CSMD2: variants seen among roughly 807,000 people sequenced by gnomAD.
The protein encoded by CSMD2 is CUB and Sushi multiple domains 2, also known as CUB and sushi domain-containing protein 2.
Under a neutral mutation model 398.5 loss-of-function variants are expected in CSMD2, and 130 were observed. The ratio of observed to expected loss-of-function variants is 0.33; its 90% CI spans 0.28 to 0.38. The LOEUF is 0.38. CSMD2 is among the 10% of genes least tolerant of loss of function. The probability of loss-of-function intolerance (pLI) is 1.00; values close to 1 mark genes in which losing one functional copy is unlikely to be tolerated. For synonymous variants in CSMD2, 1,828 were observed against 1,908.5 expected (o/e 0.96, Z 1.10); for missense variants, 3,829 against 4,764.9 (o/e 0.80, Z 5.78).
chr1:33,868,501 G>A (rs948846517), intron 5 of CSMD2, among the ~76,000 whole-genome samples: 7 of 152,124 alleles, frequency 4.6e-5, no homozygotes, highest in African/African-American at 1.7e-4. Flanking sequence ...ACTTTGGGAG[G>A]CCGAGGTGGG....
intron 14 of CSMD2, among the ~76,000 whole-genome samples, chr1:33,741,590 G>A (rs1647069976): frequency 6.6e-6 from 1 of 152,206 alleles, no homozygotes; most frequent in African/African-American, 2.4e-5. Flanking sequence ...TTGTTGGCAA[G>A]AATCATTTCT....
In CSMD2 at chr1:33,559,517, C is replaced by G; in HGVS notation, c.8381-44G>C. 1 of 1,514,370 alleles carries G rather than the reference C, an allele frequency of 6.6e-7. No homozygotes were observed. Among genetic ancestry groups the G allele is most frequent in the Non-Finnish European group, 8.9e-7 (1 of 1,128,480 alleles). 93.8% of individuals were successfully genotyped at this position (1,514,370 alleles called of 1,614,324 possible). A position where few individuals can be genotyped will look rare whatever the true frequency, so the allele number is the denominator to read the frequency against. The stretch of plus-strand genomic sequence containing the variant: ...ATAGGTAAGCCCTCCTACTATTCCA[C>G]ACCCCTCAGAATTTATCCACCTCTC... On this transcript the variant is annotated intron_variant, in intron 53 of 70. Transcript: ENST00000373381. This position sits in a 1 kb window ranked among gnomAD's most constrained non-coding sequence, Gnocchi z 4.0.
intron 5 of CSMD2, chr1:33,884,499 G>A (rs1258465035): frequency 1.3e-5 from 2 of 152,184 alleles, no homozygotes; most frequent in Admixed American, 6.6e-5. Flanking sequence ...CTAACCAAAT[G>A]ATGCTGTTTT....
chr1:33,810,718 C>T lies in CSMD2; in HGVS notation c.1446+25G>A, dbSNP rs373368690. 24 of 1,610,714 alleles carry T rather than the reference C, an allele frequency of 1.5e-5. No individual in the cohort carries two copies. In the African/African-American group the frequency reaches 2.9e-4, roughly 20 times the overall value. ...CCAACCTAGCCCTGCCCACAGAACA[C>T]CACCCCGCTCCCCAAGAGGCTTACC... On this transcript the variant is annotated intron_variant, in intron 10 of 70. Transcript: ENST00000373381.
At chr1:33,556,016 C>G (rs1030162037) in intron 55 of CSMD2, among the ~76,000 whole-genome samples, 1 of 152,000 alleles carries the variant, frequency 6.6e-6, no homozygotes, top group African/African-American at 2.4e-5. Flanking sequence ...ATTGGAGGAT[C>G]TCACTCCTCC....
chr1:33,626,208 G>A (rs1009433749), intron 33 of CSMD2, among the ~76,000 whole-genome samples: 1 of 152,236 alleles, frequency 6.6e-6, no homozygotes, highest in African/African-American at 2.4e-5. Flanking sequence ...TCTGGACCAT[G>A]CCAGACAATG....
At chr1:33,554,824 C>T (rs1265255185) in intron 55 of CSMD2, among the ~76,000 whole-genome samples, 1 of 152,132 alleles carries the variant, frequency 6.6e-6, no homozygotes, top group Non-Finnish European at 1.5e-5. Context: ...TGCTCATTGA[C>T]AATGCACCTG....
chr1:33,807,988 G>C (rs1656419015), intron 10 of CSMD2, among the ~76,000 whole-genome samples: 1 of 152,070 alleles, frequency 6.6e-6, no homozygotes, highest in Admixed American at 6.5e-5. Context: ...GAGGGAAAAA[G>C]CCTTTAAGGT....
chr1:34,049,269 T>A (rs1652901762), intron 2 of CSMD2, among the ~76,000 whole-genome samples: 1 of 151,936 alleles, frequency 6.6e-6, no homozygotes, highest in African/African-American at 2.4e-5. Flanking sequence ...AGTAAGAGAG[T>A]TTGGTCACTG....
intron 29 of CSMD2, among the ~76,000 whole-genome samples, chr1:33,644,534 A>G (rs1643305520): frequency 6.6e-6 from 1 of 152,158 alleles, no homozygotes; most frequent in African/African-American, 2.4e-5. Flanking sequence ...TAGTGACTCT[A>G]AGTATCACGT....
chr1:33,977,779 C>G (rs1408496698), intron 3 of CSMD2, among the ~76,000 whole-genome samples: 1 of 152,156 alleles, frequency 6.6e-6, no homozygotes, highest in East Asian at 1.9e-4. Context: ...GGACTGGAAG[C>G]CTCAACTCAG....
chr1:33,559,306 A>C lies in CSMD2; in HGVS notation c.8548T>G (p.Cys2850Gly). 6.5e-7 allele frequency: 1 copy of C among 1,535,074 alleles called. No homozygotes were observed. The highest frequency in any genetic ancestry group is 1.2e-5 in the South Asian group (1 of 84,022). ...GAGAGAAAGGGTGACTCACTTCTGC[A>C]GGTGGGCAGCATGTCACTCCATTGC... is the stretch of plus-strand genomic sequence containing the variant. Reference protein sequence around the residue: ...SGQWSDMLPTCRIINCTDPGH... With the variant: ...SGQWSDMLPTGRIINCTDPGH... Residue 2850 changes from cysteine (C) to glycine (G), a missense_variant, in exon 54 of 71, where the codon TGC (cysteine) becomes GGC (glycine). Physicochemically the swap from Cys to Gly is radical, Grantham distance 159 (BLOSUM62 -3). Around this residue, in one of 5 missense-constraint regions of CSMD2, gnomAD observed 917 missense variants for 1,199.5 expected, o/e 0.76. Coordinates refer to ENST00000373381, the MANE Select transcript of CSMD2 (RefSeq NM_001281956.2). This position sits in a 1 kb window ranked among gnomAD's most constrained non-coding sequence, Gnocchi z 4.0.
At chr1:33,686,300 C>T (rs1475491978) in intron 25 of CSMD2, among the ~76,000 whole-genome samples, 1 of 152,192 alleles carries the variant, frequency 6.6e-6, no homozygotes, top group East Asian at 1.9e-4. Context: ...AGTTTCCACT[C>T]CTATAGGATG....
intron 1 of CSMD2, among the ~76,000 whole-genome samples, chr1:34,129,617 A>T (rs1663118887): frequency 6.6e-6 from 1 of 152,156 alleles, no homozygotes; most frequent in South Asian, 2.1e-4. Context: ...GCGCCACTGT[A>T]CTCCAGCCTA....
At chr1:33,652,866 T>G (rs1445105932) in intron 27 of CSMD2, among the ~76,000 whole-genome samples, 1 of 152,190 alleles carries the variant, frequency 6.6e-6, no homozygotes, top group Non-Finnish European at 1.5e-5. Flanking sequence ...ACCATTCTCC[T>G]GCCTCAGCCT....
At chr1:33,798,322 G>A (rs1396128134) in intron 10 of CSMD2, among the ~76,000 whole-genome samples, 3 of 152,184 alleles carry the variant, frequency 2.0e-5, no homozygotes, top group African/African-American at 7.2e-5. Flanking sequence ...CATAATTACT[G>A]AGCACCTGCC....
intron 25 of CSMD2, among the ~76,000 whole-genome samples, chr1:33,690,069 GC>G (rs1454932891): frequency 6.6e-6 from 1 of 151,990 alleles, no homozygotes; most frequent in Non-Finnish European, 1.5e-5. Flanking sequence ...GCGCTTACCG[GC>G]CCAGCCCGTC....
intron 25 of CSMD2, among the ~76,000 whole-genome samples, chr1:33,684,490 G>A (rs550367749): frequency 1.3e-5 from 2 of 152,178 alleles, no homozygotes; most frequent in South Asian, 2.1e-4. Context: ...CCAGACAACC[G>A]TAGCTTCAAC....
At chr1:33,745,368 A>G (rs1647261122) in intron 13 of CSMD2, among the ~76,000 whole-genome samples, 1 of 152,246 alleles carries the variant, frequency 6.6e-6, no homozygotes, top group African/African-American at 2.4e-5. Context: ...ATATACAAGC[A>G]TAAAAAAGGT....
Sources: allele counts gnomAD v4.1 joint callset (sites outside exome capture counted in the v4.1 genomes callset), GRCh38; gene constraint gnomAD v4.1.1; regional missense constraint gnomAD v4.1.1; non-coding constraint Gnocchi (gnomAD v3.1); transcripts MANE v1.5; gene names NCBI Gene and HGNC (gene_info 2026-07-23, HGNC 2026-07-21).